Variants in HDAC8 observed in about 807,000 individuals in gnomAD.
The protein encoded by HDAC8 is histone deacetylase-like 1.
In HDAC8, 1 loss-of-function variant was observed where a neutral mutation model predicts 32.2. That is an observed-to-expected ratio of 0.03 (90% confidence interval 0.01 to 0.15). The LOEUF is 0.15. Among genes scored for constraint, HDAC8 ranks in the 10% least tolerant of loss-of-function variants. The pLI is 1.00. For missense variants in HDAC8, 117 were observed against 300.0 expected, an observed-to-expected ratio of 0.39 and a Z score of 4.51; for synonymous variants, 108 against 113.9, an observed-to-expected ratio of 0.95 and a Z score of 0.33.
At chrX:72,333,074 A>G (rs782101738) in intron 10 of HDAC8, among the ~76,000 whole-genome samples, 1 of 111,957 alleles carries the variant, frequency 8.9e-6, no homozygotes, top group African/African-American at 3.2e-5. Flanking sequence ...GTTGATTTTG[A>G]TGAGCTCCAA....
At chrX:72,386,854 A>G (rs1478526560) in intron 9 of HDAC8, among the ~76,000 whole-genome samples, 5 of 111,624 alleles carry the variant, frequency 4.5e-5, no homozygotes, top group African/African-American at 1.6e-4. Context: ...AAACAGCACA[A>G]AGCCAAGTCC....
chrX:72,481,858 C>T (rs2048520088), intron 7 of HDAC8, among the ~76,000 whole-genome samples: 1 of 110,681 alleles, frequency 9.0e-6, no homozygotes, highest in Non-Finnish European at 1.9e-5. Context: ...AATCTGCTCA[C>T]CTTGGCCTCC....
intron 9 of HDAC8, among the ~76,000 whole-genome samples, chrX:72,369,102 C>A (rs1815522563): frequency 9.1e-6 from 1 of 109,994 alleles, no homozygotes; most frequent in Non-Finnish European, 1.9e-5. Context: ...AAAAGTACTG[C>A]TCCCCGCCCC....
chrX:72,419,634 C>T (rs1358142870), intron 9 of HDAC8, among the ~76,000 whole-genome samples: 2 of 111,394 alleles, frequency 1.8e-5, no homozygotes, highest in African/African-American at 6.5e-5. Context: ...CTGGATAGAC[C>T]TTCCAGTACA....
At chrX:72,467,958 G>C (rs1255470432) in intron 7 of HDAC8, 1 of 1,185,457 alleles carries the variant, frequency 8.4e-7, no homozygotes, top group African/African-American at 1.8e-5. Context: ...TAGTTGTTTT[G>C]ATTATAGCCA....
chrX:72,398,980 A>C (rs782470911), intron 9 of HDAC8, among the ~76,000 whole-genome samples: 2 of 110,355 alleles, frequency 1.8e-5, no homozygotes, highest in South Asian at 7.8e-4. Context: ...ACGTCTCAGG[A>C]CACCTAGCAT....
chrX:72,388,703 G>A (rs138494136), intron 9 of HDAC8, among the ~76,000 whole-genome samples: 6,421 of 110,308 alleles, frequency 0.058, 203 homozygotes, highest in Non-Finnish European at 0.094. Flanking sequence ...CCCCTAATGT[G>A]GCTGCATTTG....
chrX:72,511,010 A>G (rs1325477743), intron 4 of HDAC8, among the ~76,000 whole-genome samples: 1 of 111,697 alleles, frequency 9.0e-6, no homozygotes, highest in Non-Finnish European at 1.9e-5. Context: ...GCCCAGATTT[A>G]GTCACTATCC....
intron 9 of HDAC8, among the ~76,000 whole-genome samples, chrX:72,411,335 C>G (rs2046191658): frequency 8.9e-6 from 1 of 111,936 alleles, no homozygotes; most frequent in South Asian, 3.7e-4. Flanking sequence ...CTCTTTCCCA[C>G]CTTTTCATAT....
intron 9 of HDAC8, among the ~76,000 whole-genome samples, chrX:72,433,057 A>G (rs1303501706): frequency 8.9e-6 from 1 of 112,092 alleles, no homozygotes; most frequent in African/African-American, 3.2e-5. Flanking sequence ...ATCAAGCAAG[A>G]AAAGGATATA....
At chrX:72,339,148 T>C (rs1158095948) in intron 10 of HDAC8, among the ~76,000 whole-genome samples, 2 of 111,835 alleles carry the variant, frequency 1.8e-5, no homozygotes, top group Non-Finnish European at 3.8e-5. Flanking sequence ...CAGGCTGTCC[T>C]GCTGCTGGCA....
At chrX:72,398,479 C>T (rs895169031) in intron 9 of HDAC8, among the ~76,000 whole-genome samples, 1 of 110,154 alleles carries the variant, frequency 9.1e-6, no homozygotes, top group Non-Finnish European at 1.9e-5. Context: ...GCATGAGCCA[C>T]CATGTCCTGA....
chrX:72,398,309 C>T (rs1174882925), intron 9 of HDAC8, among the ~76,000 whole-genome samples: 2 of 110,543 alleles, frequency 1.8e-5, no homozygotes, highest in Non-Finnish European at 3.8e-5. Context: ...ACTTGCTTTT[C>T]TTCTGGATTA....
chrX:72,524,590 T>C (rs2050079820), intron 4 of HDAC8, among the ~76,000 whole-genome samples: 1 of 111,631 alleles, frequency 9.0e-6, no homozygotes, highest in Non-Finnish European at 1.9e-5. Context: ...ATGGAGATAC[T>C]GGAGGCTTGT....
At chrX:72,473,799 G>T in intron 7 of HDAC8, 2 of 754,507 alleles carry the variant, frequency 2.7e-6, no homozygotes, top group Non-Finnish European at 3.1e-6. Context: ...AGCAAGCTTT[G>T]ATCTTATGAT....
At chrX:72,371,806 G>A (rs1319277273) in intron 9 of HDAC8, among the ~76,000 whole-genome samples, 2 of 112,094 alleles carry the variant, frequency 1.8e-5, no homozygotes, top group African/African-American at 6.5e-5. Flanking sequence ...ATCCAAACAT[G>A]TGTATGCAGT....
At chrX:72,439,639 C>CAAAAAAAA (rs782744436) in intron 9 of HDAC8, among the ~76,000 whole-genome samples, 1 of 36,232 alleles carries the variant, frequency 2.8e-5, no homozygotes, top group African/African-American at 9.4e-5. Context: ...AAATGGAAAG[C>CAAAAAAAA]AAAAAAAAAA....
intron 4 of HDAC8, among the ~76,000 whole-genome samples, chrX:72,502,882 C>T (rs2049271589): frequency 1.8e-5 from 2 of 110,735 alleles, no homozygotes; most frequent in African/African-American, 6.6e-5. Context: ...GCTGAGATCA[C>T]GCCACTGCAC....
At chrX:72,427,724 C>A (rs1486529559) in intron 9 of HDAC8, among the ~76,000 whole-genome samples, 1 of 106,809 alleles carries the variant, frequency 9.4e-6, no homozygotes, top group Non-Finnish European at 1.9e-5. Flanking sequence ...TGCACATGTA[C>A]CCTAAAACTT....
Sources: gnomAD v4.1 joint callset for allele counts (sites outside exome capture counted in the v4.1 genomes callset) on GRCh38, gnomAD v4.1.1 for gene constraint, MANE v1.5 for transcripts, NCBI Gene and HGNC (gene_info 2026-07-23, HGNC 2026-07-21) for gene names.